CNDP1: variants seen among roughly 807,000 people sequenced by gnomAD.
CNDP1 encodes carnosine dipeptidase 1.
In CNDP1, 44 loss-of-function variants were observed where a neutral mutation model predicts 58.1. The ratio of observed to expected loss-of-function variants is 0.76; its 90% CI spans 0.60 to 0.97. The LOEUF (loss-of-function observed/expected upper bound fraction) is 0.97, where lower values mean the gene tolerates loss of function less well. CNDP1 is among the 50% of genes least tolerant of loss of function. The probability of loss-of-function intolerance (pLI) is 0.00; values close to 1 mark genes in which losing one functional copy is unlikely to be tolerated. For synonymous variants in CNDP1, 254 were observed against 252.6 expected, an observed-to-expected ratio of 1.01 and a Z score of -0.05; for missense variants, 616 against 655.1, an observed-to-expected ratio of 0.94 and a Z score of 0.65.
chr18:74,566,525 G>C (rs1981331582), intron 5 of CNDP1, among the ~76,000 whole-genome samples: 2 of 152,150 alleles, frequency 1.3e-5, no homozygotes. Context: ...CAAGTTCAAA[G>C]TTCCACAAAT....
At chr18:74,575,286 C>A (rs1233199046) in intron 7 of CNDP1, among the ~76,000 whole-genome samples, 1 of 152,156 alleles carries the variant, frequency 6.6e-6, no homozygotes, top group Non-Finnish European at 1.5e-5. Flanking sequence ...AGAACAGAGG[C>A]CTGGATCGTT....
At chr18:74,553,146 C>T (rs754838775) in intron 1 of CNDP1, among the ~76,000 whole-genome samples, 57 of 152,128 alleles carry the variant, frequency 3.7e-4, no homozygotes, top group Non-Finnish European at 1.2e-4. Flanking sequence ...TATTATTGAA[C>T]TGTAATTGTC....
intron 10 of CNDP1, among the ~76,000 whole-genome samples, chr18:74,582,264 C>T (rs964806248): frequency 2.6e-5 from 4 of 152,206 alleles, no homozygotes; most frequent in Non-Finnish European, 2.9e-5. Context: ...CTTCGATTCA[C>T]GTCCACATCT....
At chr18:74,559,712 G>A (rs572258495) in intron 3 of CNDP1, among the ~76,000 whole-genome samples, 1 of 152,266 alleles carries the variant, frequency 6.6e-6, no homozygotes, top group African/African-American at 2.4e-5. Flanking sequence ...GACAAGTGAA[G>A]GTCACCTTAT....
intron 7 of CNDP1, 126 bp downstream of exon 7, chr18:74,571,396 T>G: frequency 3.1e-6 from 2 of 645,492 alleles, no homozygotes; most frequent in Non-Finnish European, 5.6e-6. Context: ...TGCTTAGATT[T>G]TCCTCCCCTT....
intron 2 of CNDP1, among the ~76,000 whole-genome samples, chr18:74,556,717 CAG>C: frequency 6.6e-6 from 1 of 152,324 alleles, no homozygotes; most frequent in East Asian, 1.9e-4. Flanking sequence ...GATGTCCACA[CAG>C]AGATGACCAG....
rs1599106485 is a variant in CNDP1 at position 74,586,399 on chromosome 18, G to A, written c.*1837G>A. ...CTCGATTTTGTTGAACCTACCTGAT[G>A]CATTTGGCACTGTAGATAAGGACTA... On this transcript the variant is annotated 3_prime_UTR_variant, in exon 12 of 12. Coordinates refer to ENST00000358821, the MANE Select transcript of CNDP1 (RefSeq NM_032649.6). 6.6e-6 allele frequency: 1 copy of A among 152,330 alleles called. No individual in the cohort carries two copies. The highest frequency in any genetic ancestry group is 1.9e-4 in the East Asian group (1 of 5,190). 9.4% of individuals were successfully genotyped at this position (152,330 alleles called of 1,614,324 possible). A position where few individuals can be genotyped will look rare whatever the true frequency, so the allele number is the denominator to read the frequency against.
chr18:74,581,698 T>C (rs145157625), intron 10 of CNDP1, among the ~76,000 whole-genome samples: 192 of 152,322 alleles, frequency 1.3e-3, no homozygotes, highest in African/African-American at 4.5e-3. Flanking sequence ...AGAGGGCGTG[T>C]ACTTGGGTGC....
intron 2 of CNDP1, among the ~76,000 whole-genome samples, chr18:74,557,176 C>T (rs1183626187): frequency 6.6e-6 from 1 of 152,016 alleles, no homozygotes; most frequent in African/African-American, 2.4e-5. Flanking sequence ...CCTCGGCCTC[C>T]CAAAGTGCTG....
intron 10 of CNDP1, among the ~76,000 whole-genome samples, chr18:74,581,331 AC>A (rs1413632360): frequency 6.6e-6 from 1 of 150,534 alleles, no homozygotes; most frequent in Non-Finnish European, 1.5e-5. Context: ...TTAACCATGG[AC>A]CCTTGCTCCT....
intron 5 of CNDP1, among the ~76,000 whole-genome samples, chr18:74,563,007 C>T (rs28713380): frequency 0.056 from 8,494 of 152,256 alleles, 810 homozygotes; most frequent in African/African-American, 0.19. Context: ...GCCGCCTCAG[C>T]CCTGTCCAAG....
At chr18:74,573,359 C>A (rs1334933631) in intron 7 of CNDP1, among the ~76,000 whole-genome samples, 1 of 148,216 alleles carries the variant, frequency 6.7e-6, no homozygotes, top group East Asian at 2.0e-4. Flanking sequence ...CATTCATTAT[C>A]TATCCATCTA....
intron 4 of CNDP1, 134 bp from the exon 5 acceptor site, chr18:74,561,913 C>A: frequency 1.5e-6 from 1 of 683,166 alleles, no homozygotes; most frequent in Non-Finnish European, 2.5e-6. Context: ...TTTGCAATTT[C>A]ATGCAAGATT....
intron 1 of CNDP1, among the ~76,000 whole-genome samples, chr18:74,537,794 G>A (rs892364524): frequency 3.3e-5 from 5 of 152,152 alleles, no homozygotes; most frequent in Admixed American, 1.3e-4. Context: ...TCCTCTGGGG[G>A]GAATGAACCA....
In CNDP1 at chr18:74,558,414, A is replaced by G. The variant is rs529018986; in HGVS notation, c.154-909A>G. On this transcript the variant is annotated intron_variant, in intron 2 of 11. Transcript: ENST00000358821. ...TTTCTTTTTTTTTTTTTTTTTTTTG[A>G]GATGGAGTCTTGCTCTGTCACCCAG... 3.9e-3 allele frequency among the ~76,000 whole-genome samples: 115 copies of G among 29,570 alleles called. 1 individual carries two copies. The highest frequency in any genetic ancestry group is 0.015 in the African/African-American group (110 of 7,178). 19.4% of individuals were successfully genotyped at this position (29,570 alleles called of 152,430 possible).
chr18:74,554,370 G>A (rs1182750381), intron 1 of CNDP1, among the ~76,000 whole-genome samples: 1 of 152,202 alleles, frequency 6.6e-6, no homozygotes, highest in Non-Finnish European at 1.5e-5. Flanking sequence ...ATTGACCCCA[G>A]GTGCTGAGTG....
At chr18:74,573,736 T>C (rs534478702) in intron 7 of CNDP1, among the ~76,000 whole-genome samples, 63 of 152,356 alleles carry the variant, frequency 4.1e-4, no homozygotes, top group African/African-American at 1.4e-3. Context: ...CCCACAAGCA[T>C]GATTGCTGCA....
intron 1 of CNDP1, among the ~76,000 whole-genome samples, chr18:74,554,316 G>A (rs1233175799): frequency 1.3e-5 from 2 of 152,210 alleles, no homozygotes; most frequent in Non-Finnish European, 2.9e-5. Flanking sequence ...TCTGACAGAA[G>A]GTAGAACAGC....
chr18:74,573,452 G>GTATCTATCTATCTGTGTATC (rs1981548930), intron 7 of CNDP1, among the ~76,000 whole-genome samples: 1 of 99,862 alleles, frequency 1.0e-5, no homozygotes, highest in African/African-American at 4.1e-5. Flanking sequence ...ATGTATCTAT[G>GTATCTATCTATCTGTGTATC]TATCTATCTA....
Sources: gnomAD v4.1 joint callset for allele counts (sites outside exome capture counted in the v4.1 genomes callset) on GRCh38, gnomAD v4.1.1 for gene constraint, MANE v1.5 for transcripts, NCBI Gene and HGNC (gene_info 2026-07-23, HGNC 2026-07-21) for gene names.